The following PSD3 variants were observed in gnomAD, a reference collection of about 807,000 sequenced individuals.
PSD3 encodes PH and SEC7 domain-containing protein 3.
PSD3 carries 49 observed loss-of-function variants against 105.5 expected under a neutral mutation model. The ratio of observed to expected loss-of-function variants is 0.46; its 90% CI spans 0.37 to 0.59. The LOEUF is 0.59. Among genes scored for constraint, PSD3 ranks in the 20% least tolerant of loss-of-function variants. The pLI is 0.00. For synonymous variants in PSD3, 557 were observed against 457.8 expected, an observed-to-expected ratio of 1.22 and a Z score of -2.77; for missense variants, 1,561 against 1,263.8, an observed-to-expected ratio of 1.24 and a Z score of -3.57.
intron 15 of PSD3, among the ~76,000 whole-genome samples, chr8:18,552,314 C>T (rs1301400187): frequency 2.0e-5 from 3 of 152,172 alleles, no homozygotes; most frequent in Admixed American, 1.3e-4. Context: ...CATCTGTAAT[C>T]ATCTTAAACG....
At chr8:18,626,735 G>C (rs1806509171) in intron 11 of PSD3, among the ~76,000 whole-genome samples, 1 of 152,120 alleles carries the variant, frequency 6.6e-6, no homozygotes, top group Non-Finnish European at 1.5e-5. Context: ...AGATTTCCAA[G>C]AAGGAGCAGC....
intron 2 of PSD3, among the ~76,000 whole-genome samples, chr8:18,916,057 T>C (rs1257763831): frequency 6.6e-6 from 1 of 151,640 alleles, no homozygotes. Flanking sequence ...GATCGTGCCA[T>C]TGCACTCCAG....
rs562479742 is a variant in PSD3, at chr8:18,700,356, T to C, written c.2173-44671A>G. 9.2e-4 allele frequency among the ~76,000 whole-genome samples: 140 copies of C among 152,330 alleles called. 3 individuals are homozygous for C. The highest frequency in any genetic ancestry group is 9.6e-4 in the Non-Finnish European group (65 of 68,028). On this transcript the variant is annotated intron_variant, in intron 9 of 15. Coordinates refer to ENST00000327040, the MANE Select transcript of PSD3 (RefSeq NM_015310.4). ...TACAGATTCCTATTAATGAGTTATC[T>C]ATACATTATTAGTAATAGGAAAAAT... is the stretch of plus-strand genomic sequence containing the variant.
intron 4 of PSD3, among the ~76,000 whole-genome samples, chr8:18,815,078 A>G (rs1453262244): frequency 6.6e-6 from 1 of 152,232 alleles, no homozygotes; most frequent in African/African-American, 2.4e-5. Flanking sequence ...ATAAATATGA[A>G]TTTAGTTTGA....
intron 10 of PSD3, among the ~76,000 whole-genome samples, chr8:18,642,814 T>G (rs373823417): frequency 6.6e-6 from 1 of 152,246 alleles, no homozygotes; most frequent in South Asian, 2.1e-4. Flanking sequence ...AAATGCCACT[T>G]AGACATGAAG....
At chr8:19,011,693 T>G (rs990961381) in intron 1 of PSD3, among the ~76,000 whole-genome samples, 13 of 151,968 alleles carry the variant, frequency 8.6e-5, no homozygotes, top group African/African-American at 3.1e-4. Flanking sequence ...TGGTCACAAA[T>G]GAACAGTGTC....
At chr8:18,643,455 G>A (rs1807800123) in intron 10 of PSD3, among the ~76,000 whole-genome samples, 1 of 152,166 alleles carries the variant, frequency 6.6e-6, no homozygotes, top group Admixed American at 6.5e-5. Flanking sequence ...ACCTAAATCA[G>A]ATACAGGTCA....
At chr8:18,933,521 G>A (rs910123905) in intron 2 of PSD3, among the ~76,000 whole-genome samples, 2 of 152,300 alleles carry the variant, frequency 1.3e-5, no homozygotes, top group Non-Finnish European at 2.9e-5. Context: ...AGGCTGAAGT[G>A]CAGTGGCATG....
chr8:18,925,620 G>GACA (rs1178841287), intron 2 of PSD3, among the ~76,000 whole-genome samples: 1 of 152,086 alleles, frequency 6.6e-6, no homozygotes, highest in Non-Finnish European at 1.5e-5. Context: ...CTGCAAAAAA[G>GACA]TGCCCATAGA....
At chr8:18,559,497 G>A (rs1801266989) in intron 14 of PSD3, among the ~76,000 whole-genome samples, 1 of 152,032 alleles carries the variant, frequency 6.6e-6, no homozygotes, top group African/African-American at 2.4e-5. Context: ...TAATATATAT[G>A]TTAAGAAATC....
rs28771805 is a variant in PSD3, at chr8:18,712,354, G to A, written c.2172+53095C>T. 9.5e-3 allele frequency among the ~76,000 whole-genome samples: 1,430 copies of A among 150,348 alleles called. 29 individuals carry two copies. The highest frequency in any genetic ancestry group is 0.034 in the African/African-American group (1,376 of 41,048). The stretch of plus-strand genomic sequence containing the variant: ...CAATGAATCCCAGAGCTGGTTTTTT[G>A]AAAAAATTAATAGATGAACCACTAG... On this transcript the variant is annotated intron_variant, in intron 9 of 15. Coordinates refer to ENST00000327040, the MANE Select transcript of PSD3 (RefSeq NM_015310.4).
intron 1 of PSD3, among the ~76,000 whole-genome samples, chr8:19,033,754 G>A (rs1827849532): frequency 6.6e-6 from 1 of 151,888 alleles, no homozygotes; most frequent in Non-Finnish European, 1.5e-5. Flanking sequence ...TAAGTGGTTG[G>A]GATGGAATTG....
At chr8:18,694,377 G>A (rs971353005) in intron 9 of PSD3, among the ~76,000 whole-genome samples, 2 of 152,250 alleles carry the variant, frequency 1.3e-5, no homozygotes, top group Non-Finnish European at 2.9e-5. Flanking sequence ...TTAGAAGGCT[G>A]AGGCAGGTGG....
intron 1 of PSD3, among the ~76,000 whole-genome samples, chr8:19,065,490 G>T (rs1829046605): frequency 6.6e-6 from 1 of 152,184 alleles, no homozygotes; most frequent in African/African-American, 2.4e-5. Context: ...TGGGCCTCCA[G>T]AATTTCTGAC....
At position 18,618,458 on chromosome 8, in the gene PSD3, T is replaced by G. The variant is rs754007425; in HGVS notation, c.2410+14155A>C. ...TTTTACAGACTTTGGCTTTTTTTTG[T>G]CAACAATATCATTTTTAAAAATGAT... On this transcript the variant is annotated intron_variant, in intron 11 of 15. Transcript: ENST00000327040. 5.9e-5 allele frequency among the ~76,000 whole-genome samples: 9 copies of G among 151,430 alleles called. 1 individual carries two copies. Among genetic ancestry groups the G allele is most frequent in the Non-Finnish European group, 8.9e-5 (6 of 67,660 alleles).
upstream of PSD3, among the ~76,000 whole-genome samples, chr8:19,014,793 A>G (rs1827123041): frequency 6.6e-6 from 1 of 152,184 alleles, no homozygotes; most frequent in Non-Finnish European, 1.5e-5. This position sits in a 1 kb window ranked among gnomAD's most constrained non-coding sequence, Gnocchi z 4.9. Flanking sequence ...CTGCCCGGTG[A>G]GCATAGCTGA....
In PSD3 at chr8:18,575,219, C is replaced by A. The variant is rs376777939; in HGVS notation, c.2548G>T (p.Ala850Ser). 9 of 1,613,692 alleles carry A rather than the reference C, an allele frequency of 5.6e-6. No individual in the cohort carries two copies. Among genetic ancestry groups the A allele is most frequent in the Admixed American group, 1.7e-5 (1 of 59,960 alleles). ...TAGTCCGTGGCCTTGGATGCCAATG[C>A]GTGGTGCACACTCACAGCGTTTTTC... is the stretch of plus-strand genomic sequence containing the variant. ...DLKNAVSVHH[A>S]LASKATDYEK... Residue 850 changes from alanine (A) to serine (S), a missense_variant, in exon 13 of 16, where the codon GCA (alanine) becomes TCA (serine). By Grantham distance (99) the Ala-to-Ser change is moderately conservative (BLOSUM62 1). Coordinates refer to ENST00000327040, the MANE Select transcript of PSD3 (RefSeq NM_015310.4).
chr8:18,753,206 T>G (rs958454285), intron 9 of PSD3, among the ~76,000 whole-genome samples: 1 of 151,740 alleles, frequency 6.6e-6, no homozygotes, highest in African/African-American at 2.4e-5. Context: ...CATACAAAAA[T>G]TAGTCAGGTG....
intron 1 of PSD3, among the ~76,000 whole-genome samples, chr8:19,032,932 T>C (rs1170019473): frequency 1.3e-5 from 2 of 152,026 alleles, no homozygotes; most frequent in Admixed American, 6.6e-5. Context: ...AAATGCCACA[T>C]AAATGTCACC....
Sources: gnomAD v4.1 joint callset for allele counts (sites outside exome capture counted in the v4.1 genomes callset) on GRCh38, gnomAD v4.1.1 for gene constraint, Gnocchi (gnomAD v3.1) non-coding constraint, MANE v1.5 for transcripts, NCBI Gene and HGNC (gene_info 2026-07-23, HGNC 2026-07-21) for gene names.